SCO1: variants seen among roughly 807,000 people sequenced by gnomAD.
The protein encoded by SCO1 is cytochrome c oxidase assembly factor SCO1.
Under a neutral mutation model 34.0 loss-of-function variants are expected in SCO1, and 23 were observed. The ratio of observed to expected loss-of-function variants is 0.68; its 90% CI spans 0.49 to 0.96. SCO1 has a LOEUF of 0.96. SCO1 is among the 40% of genes least tolerant of loss of function. The probability of loss-of-function intolerance (pLI) is 0.00; values close to 1 mark genes in which losing one functional copy is unlikely to be tolerated. For missense variants in SCO1, 404 were observed against 381.6 expected (o/e 1.06, Z -0.49); for synonymous variants, 161 against 145.5 (o/e 1.11, Z -0.77).
At position 10,680,045 on chromosome 17, in the gene SCO1, T is replaced by C. The variant is rs2074611057; in HGVS notation, c.*1074A>G. On this transcript the variant is annotated 3_prime_UTR_variant, in exon 6 of 6. Transcript: ENST00000255390. The stretch of plus-strand genomic sequence containing the variant: ...ATCCTCAGGCCCTGGCCTCCCAAAG[T>C]TTTGGGATTATAGGCATTAGCCATT... 6.6e-6 allele frequency: 1 copy of C among 152,070 alleles called. No individual in the cohort carries two copies. The highest frequency in any genetic ancestry group is 1.5e-5 in the Non-Finnish European group (1 of 68,096). The allele number at this position is 152,070 out of a possible 1,614,324, so 9.4% of individuals were successfully genotyped here.
Position 10,675,588 on chromosome 17 carries a change from C to A in SCO1, c.*5531G>T, listed in dbSNP as rs2074575404. 2 of 152,184 alleles carry A rather than the reference C, an allele frequency of 1.3e-5. No homozygotes were observed. 9.4% of individuals were successfully genotyped at this position (152,184 alleles called of 1,614,324 possible). On this transcript the variant is annotated 3_prime_UTR_variant, in exon 6 of 6. Transcript: ENST00000255390. ...GAACATTTCAATGGCTCTGGAAGCTCTCCTGGCACCCCCTTCTGAATTACT... is the reference window on the plus strand; with the variant it reads ...GAACATTTCAATGGCTCTGGAAGCTATCCTGGCACCCCCTTCTGAATTACT...
intron 5 of SCO1, among the ~76,000 whole-genome samples, chr17:10,682,397 G>A (rs2151452245): frequency 6.6e-6 from 1 of 152,300 alleles, no homozygotes; most frequent in South Asian, 2.1e-4. Flanking sequence ...TCCAAGTGCT[G>A]TGGGATAGTT....
chr17:10,689,165 GAGGGAAAA>G (rs2074675934), intron 4 of SCO1, among the ~76,000 whole-genome samples: 1 of 151,124 alleles, frequency 6.6e-6, no homozygotes, highest in African/African-American at 2.4e-5. Context: ...GGAGATTGGG[GAGGGAAAA>G]AGGGAGGGAC....
Position 10,676,456 on chromosome 17 carries a change from G to T in SCO1, c.*4663C>A, listed in dbSNP as rs1249058452. 6.6e-6 allele frequency: 1 copy of T among 152,166 alleles called. No homozygotes were observed. Among genetic ancestry groups the T allele is most frequent in the African/African-American group, 2.4e-5 (1 of 41,428 alleles). The allele number at this position is 152,166 out of a possible 1,614,324, so 9.4% of individuals were successfully genotyped here. ...GAGGCACATGCTGGGAATGGGCTGGGGTGGCAGTGGGTGGGGGGGTGCAGA... is the reference window on the plus strand; with the variant it reads ...GAGGCACATGCTGGGAATGGGCTGGTGTGGCAGTGGGTGGGGGGGTGCAGA... On this transcript the variant is annotated 3_prime_UTR_variant, in exon 6 of 6. Coordinates refer to ENST00000255390, the MANE Select transcript of SCO1 (RefSeq NM_004589.4).
rs1488313504 is a variant in SCO1, at chr17:10,675,449, T to TC, written c.*5669dup. The TC allele has an allele frequency of 3.3e-5, 5 of 152,334 alleles. No individual in the cohort carries two copies. The highest frequency in any genetic ancestry group is 1.2e-4 in the African/African-American group (5 of 41,572). The allele number at this position is 152,334 out of a possible 1,614,324, so 9.4% of individuals were successfully genotyped here. On this transcript the variant is annotated 3_prime_UTR_variant, in exon 6 of 6. Coordinates refer to ENST00000255390, the MANE Select transcript of SCO1 (RefSeq NM_004589.4). Reference sequence around the variant, plus strand: ...GACTGCCTTTTGCAGGGACTCTTTTTCCCCTCTACTTTTCTTTTGGAGTTA... The same window carrying TC: ...GACTGCCTTTTGCAGGGACTCTTTTTCCCCCTCTACTTTTCTTTTGGAGTTA...
At position 10,680,386 on chromosome 17, in the gene SCO1, T is replaced by A. The variant is rs1422774509; in HGVS notation, c.*733A>T. The A allele has an allele frequency of 6.5e-6, 1 of 154,204 alleles. No homozygotes were observed. The highest frequency in any genetic ancestry group is 1.4e-5 in the Non-Finnish European group (1 of 69,430). 9.6% of individuals were successfully genotyped at this position (154,204 alleles called of 1,614,324 possible). ...ACTTTACACAAAGTACAATCCAGTA[T>A]ATGCAGAAAGGTACTCAGCATCACA... On this transcript the variant is annotated 3_prime_UTR_variant, in exon 6 of 6. Coordinates refer to ENST00000255390, the MANE Select transcript of SCO1 (RefSeq NM_004589.4).
chr17:10,692,202 T>C (rs1289376017), intron 3 of SCO1, among the ~76,000 whole-genome samples: 2 of 152,176 alleles, frequency 1.3e-5, no homozygotes, highest in Non-Finnish European at 2.9e-5. Context: ...CAAGGTTACA[T>C]ATCCTATCAA....
chr17:10,674,457 G>T lies in SCO1; in HGVS notation c.*6662C>A. 1 of 283,562 alleles carries T rather than the reference G, an allele frequency of 3.5e-6. No homozygotes were observed. 17.6% of individuals were successfully genotyped at this position (283,562 alleles called of 1,614,324 possible). On this transcript the variant is annotated 3_prime_UTR_variant, in exon 6 of 6. Transcript: ENST00000255390. Reference sequence around the variant, plus strand: ...AAACAAACAAACAAACAAAAAAACAGACTGTGATTGAGGAGAGCTGGAGTG... The same window carrying T: ...AAACAAACAAACAAACAAAAAAACATACTGTGATTGAGGAGAGCTGGAGTG...
At position 10,680,345 on chromosome 17, in the gene SCO1, A is replaced by G. The variant is rs548297763; in HGVS notation, c.*774T>C. ...AAAAGATCACGCTTGTCTGAACAGC[A>G]AAACTGAGTATGTTTACTTTACACA... On this transcript the variant is annotated 3_prime_UTR_variant, in exon 6 of 6. Coordinates refer to ENST00000255390, the MANE Select transcript of SCO1 (RefSeq NM_004589.4). 8 of 152,774 alleles carry G rather than the reference A, an allele frequency of 5.2e-5. No homozygotes were observed. The highest frequency in any genetic ancestry group is 1.3e-4 in the Admixed American group (2 of 15,352). The allele number at this position is 152,774 out of a possible 1,614,324, so 9.5% of individuals were successfully genotyped here.
chr17:10,692,666 T>G, intron 3 of SCO1, 98 bp downstream of exon 3: 1 of 989,502 alleles, frequency 1.0e-6, no homozygotes, highest in Non-Finnish European at 1.6e-6. Context: ...ACAAATCACA[T>G]AATTGCAAAA....
intron 5 of SCO1, among the ~76,000 whole-genome samples, chr17:10,684,286 T>C (rs2074640294): frequency 2.0e-5 from 3 of 152,230 alleles, no homozygotes; most frequent in East Asian, 1.9e-4. Flanking sequence ...AGGCTTGTGT[T>C]TGCTCCATGA....
intron 5 of SCO1, among the ~76,000 whole-genome samples, chr17:10,686,116 C>T (rs2074653746): frequency 6.6e-6 from 1 of 152,156 alleles, no homozygotes; most frequent in Admixed American, 6.5e-5. Context: ...GGAGCACATG[C>T]CTGTAATCCC....
At chr17:10,682,034 C>T (rs1444271140) in intron 5 of SCO1, among the ~76,000 whole-genome samples, 3 of 152,198 alleles carry the variant, frequency 2.0e-5, no homozygotes, top group African/African-American at 7.2e-5. Context: ...GTAAACTCAG[C>T]ATCCATTTTC....
chr17:10,683,844 T>A (rs573435686), intron 5 of SCO1: 1 of 152,238 alleles, frequency 6.6e-6, no homozygotes, highest in South Asian at 2.1e-4. Context: ...AGCCAGAAGC[T>A]TGCCTGTTGT....
Position 10,686,727 on chromosome 17 carries a change from T to C in SCO1, c.771A>G (p.Ile257Met). Residue 257 changes from isoleucine to methionine, a missense_variant and splice_region_variant, in exon 5 of 6, where the codon ATA becomes ATG. Physicochemically the swap from Ile to Met is conservative, Grantham distance 10. Transcript: ENST00000255390. ...PGPKDEDEDY[I>M]VDHTIIMYLI... ...GGTTAAAACTGGAACATTTACTCAC[T>C]ATGTAGTCTTCATCTTCGTCCTTGG... The C allele has an allele frequency of 6.3e-7, 1 of 1,578,600 alleles. No individual in the cohort carries two copies. The highest frequency in any genetic ancestry group is 8.7e-7 in the Non-Finnish European group (1 of 1,147,580).
At chr17:10,683,944 T>C (rs551808001) in intron 5 of SCO1, 2 of 152,304 alleles carry the variant, frequency 1.3e-5, no homozygotes, top group Admixed American at 1.3e-4. Flanking sequence ...GGTCCTTAAA[T>C]GATAACAGAA....
rs921620139 is a variant in SCO1, at chr17:10,673,698, T to C, written c.*7421A>G. 1.3e-5 allele frequency: 2 copies of C among 152,190 alleles called. No individual in the cohort carries two copies. The highest frequency in any genetic ancestry group is 2.9e-5 in the Non-Finnish European group (2 of 68,046). The allele number at this position is 152,190 out of a possible 1,614,324, so 9.4% of individuals were successfully genotyped here. On this transcript the variant is annotated 3_prime_UTR_variant, in exon 6 of 6. Coordinates refer to ENST00000255390, the MANE Select transcript of SCO1 (RefSeq NM_004589.4). ...GATCCTCAATCAGGTTTCAATTGAG[T>C]ATTTGAGAATGCCTACATGGAAAGA...
chr17:10,675,472 T>A lies in SCO1; in HGVS notation c.*5647A>T, dbSNP rs1477419669. ...TTTCCCCTCTACTTTTCTTTTGGAG[T>A]TATAGGGTGCAAACAGTAAAAGGCA... On this transcript the variant is annotated 3_prime_UTR_variant, in exon 6 of 6. Coordinates refer to ENST00000255390, the MANE Select transcript of SCO1 (RefSeq NM_004589.4). The A allele has an allele frequency of 6.6e-6, 1 of 152,148 alleles. No homozygotes were observed. The highest frequency in any genetic ancestry group is 6.6e-5 in the Admixed American group (1 of 15,264). The allele number at this position is 152,148 out of a possible 1,614,324, so 9.4% of individuals were successfully genotyped here. A position where few individuals can be genotyped will look rare whatever the true frequency, so the allele number is the denominator to read the frequency against.
rs1194359295 is a variant in SCO1 at position 10,679,941 on chromosome 17, A to G, written c.*1178T>C. ...AGGCATGTGCCACCATGCCAAAAAA[A>G]TCTTCTGTAGAGATGGGGGCGGGGG... On this transcript the variant is annotated 3_prime_UTR_variant, in exon 6 of 6. Transcript: ENST00000255390. The G allele has an allele frequency of 1.5e-5, 1 of 67,010 alleles. No homozygotes were observed. The highest frequency in any genetic ancestry group is 6.4e-5 in the African/African-American group (1 of 15,702). 4.2% of individuals were successfully genotyped at this position (67,010 alleles called of 1,614,324 possible).
Sources: allele counts gnomAD v4.1 joint callset (sites outside exome capture counted in the v4.1 genomes callset), GRCh38; gene constraint gnomAD v4.1.1; transcripts MANE v1.5; gene names NCBI Gene and HGNC (gene_info 2026-07-23, HGNC 2026-07-21).